The following BAZ2B variants were observed in gnomAD, a reference collection of about 807,000 sequenced individuals.
BAZ2B encodes bromodomain adjacent to zinc finger domain 2B.
BAZ2B carries 91 observed loss-of-function variants against 246.0 expected under a neutral mutation model. That is an observed-to-expected ratio of 0.37 (90% CI 0.31 to 0.44). BAZ2B has a LOEUF of 0.44. BAZ2B is among the 20% of genes least tolerant of loss of function. BAZ2B has a pLI of 1.00. For synonymous variants in BAZ2B, 855 were observed against 860.0 expected, an observed-to-expected ratio of 0.99 and a Z score of 0.10; for missense variants, 2,332 against 2,533.7, an observed-to-expected ratio of 0.92 and a Z score of 1.71.
chr2:159,536,621 T>C (rs998764024), intron 2 of BAZ2B, among the ~76,000 whole-genome samples: 18 of 152,042 alleles, frequency 1.2e-4, no homozygotes, highest in African/African-American at 4.3e-4. Context: ...AAGCATGAGG[T>C]GAACTAATAG....
At chr2:159,688,431 C>A in the BAZ2B span, among the ~76,000 whole-genome samples, 1 of 152,190 alleles carries the variant, frequency 6.6e-6, no homozygotes, top group Non-Finnish European at 1.5e-5. Context: ...TCTCTTTCTA[C>A]TCCCTTTATA....
intron 1 of BAZ2B, among the ~76,000 whole-genome samples, chr2:159,604,280 T>A (rs1167734517): frequency 6.6e-6 from 1 of 152,140 alleles, no homozygotes; most frequent in Non-Finnish European, 1.5e-5. Context: ...TTATATTTTA[T>A]TTTATTTTTA....
At chr2:159,473,582 T>C (rs2078115633) in intron 3 of BAZ2B, among the ~76,000 whole-genome samples, 1 of 152,204 alleles carries the variant, frequency 6.6e-6, no homozygotes, top group Non-Finnish European at 1.5e-5. Context: ...CTGATTTTAG[T>C]TATTTCTTGT....
intron 14 of BAZ2B, among the ~76,000 whole-genome samples, chr2:159,411,729 T>C (rs2066870996): frequency 6.6e-6 from 1 of 152,240 alleles, no homozygotes; most frequent in African/African-American, 2.4e-5. Context: ...ATTTTATGTA[T>C]AATGTCAAAT....
At chr2:159,576,912 C>CAAAAAAAAAAAA (rs34337483) in intron 1 of BAZ2B, among the ~76,000 whole-genome samples, 1 of 51,152 alleles carries the variant, frequency 2.0e-5, no homozygotes, top group African/African-American at 8.9e-5. Flanking sequence ...GACTGTGTCT[C>CAAAAAAAAAAAA]AAAAAAAAAA....
At chr2:159,332,443 T>C (rs1352110776) in intron 34 of BAZ2B, 97 bp downstream of exon 34, 4 of 1,241,586 alleles carry the variant, frequency 3.2e-6, no homozygotes, top group Admixed American at 2.5e-5. Flanking sequence ...GCTATGATCA[T>C]ACCACTGCAC....
chr2:159,463,541 C>T (rs2076666612), intron 3 of BAZ2B: 1 of 152,806 alleles, frequency 6.5e-6, no homozygotes, highest in African/African-American at 2.4e-5. Context: ...CTTGCCAATA[C>T]TTGTCTTTTG....
At chr2:159,683,816 A>C in the BAZ2B span, among the ~76,000 whole-genome samples, 7 of 152,196 alleles carry the variant, frequency 4.6e-5, no homozygotes, top group African/African-American at 1.7e-4. Context: ...CTTTGTGATT[A>C]AATTTAGAGC....
In BAZ2B at chr2:159,405,690, T is replaced by C. The variant is rs538337233; in HGVS notation, c.2678-576A>G. 6.6e-5 allele frequency among the ~76,000 whole-genome samples: 10 copies of C among 150,692 alleles called. No homozygotes were observed. In the East Asian group the frequency reaches 2.0e-3, roughly 30 times the overall value. On this transcript the variant is annotated intron_variant, in intron 14 of 36. Coordinates refer to ENST00000392783, the MANE Select transcript of BAZ2B (RefSeq NM_013450.4). ...GGACTACATAAAAATGAGGTTTCTT[T>C]TAATCTTTATCAGAGAGGCTTATTT...
chr2:159,441,433 T>C (rs1338246103), intron 6 of BAZ2B, among the ~76,000 whole-genome samples: 1 of 152,166 alleles, frequency 6.6e-6, no homozygotes, highest in African/African-American at 2.4e-5. Context: ...TTTGGCCATG[T>C]GTAAATAGTT....
intron 2 of BAZ2B, among the ~76,000 whole-genome samples, chr2:159,501,471 T>C (rs963158292): frequency 4.6e-5 from 7 of 150,684 alleles, no homozygotes; most frequent in African/African-American, 1.7e-4. Flanking sequence ...TTAAACACAG[T>C]GATATCATGA....
At chr2:159,515,992 C>A (rs982257295) in intron 2 of BAZ2B, among the ~76,000 whole-genome samples, 2 of 151,982 alleles carry the variant, frequency 1.3e-5, no homozygotes, top group African/African-American at 2.4e-5. Flanking sequence ...AGCTTAATAT[C>A]ATTTATCATT....
intron 1 of BAZ2B, among the ~76,000 whole-genome samples, chr2:159,580,374 C>A (rs548014750): frequency 4.6e-5 from 7 of 152,276 alleles, no homozygotes; most frequent in African/African-American, 1.4e-4. Context: ...TGAAGGACCT[C>A]TTCAAGGAGA....
chr2:159,656,361 T>C, the BAZ2B span, among the ~76,000 whole-genome samples: 1 of 152,108 alleles, frequency 6.6e-6, no homozygotes, highest in Non-Finnish European at 1.5e-5. Flanking sequence ...ACAGATTACA[T>C]TGGGGGTATG....
chr2:159,636,004 C>T, the BAZ2B span, among the ~76,000 whole-genome samples: 3 of 152,104 alleles, frequency 2.0e-5, no homozygotes, highest in Admixed American at 1.3e-4. Context: ...CAGCAGTGAA[C>T]CATGTTCATG....
chr2:159,472,940 A>G (rs927022420), intron 3 of BAZ2B, among the ~76,000 whole-genome samples: 6 of 152,176 alleles, frequency 3.9e-5, no homozygotes, highest in East Asian at 1.9e-4. Flanking sequence ...ATTGGCCTGT[A>G]ATTTTCTTTT....
At chr2:159,389,629 A>T (rs1253329746) in intron 20 of BAZ2B, 144 bp from the exon 21 acceptor site, 5 of 731,556 alleles carry the variant, frequency 6.8e-6, no homozygotes, top group Non-Finnish European at 1.0e-5. Flanking sequence ...GACTGTATAT[A>T]TTTAATATCA....
chr2:159,523,237 C>CA (rs1429732128), intron 2 of BAZ2B, among the ~76,000 whole-genome samples: 1 of 151,964 alleles, frequency 6.6e-6, no homozygotes, highest in African/African-American at 2.4e-5. Flanking sequence ...CTGGTCTCTA[C>CA]AAAAAATATT....
chr2:159,438,798 A>AAAGGC lies in BAZ2B; in HGVS notation c.901-104_901-103insGCCTT. 4.4e-6 allele frequency: 6 copies of AAAGGC among 1,348,438 alleles called. No individual in the cohort carries two copies. In the South Asian group the frequency reaches 7.2e-5, roughly 16 times the overall value. 83.5% of individuals were successfully genotyped at this position (1,348,438 alleles called of 1,614,324 possible). ...AAACGGGTACTTTCAAAGTGTTCTT[A>AAAGGC]ATGCCTTATGATAATATCTAAAAAT... is the stretch of plus-strand genomic sequence containing the variant. On this transcript the variant is annotated intron_variant, in intron 7 of 36. Transcript: ENST00000392783.
Sources: gnomAD v4.1 joint callset for allele counts (sites outside exome capture counted in the v4.1 genomes callset) on GRCh38, gnomAD v4.1.1 for gene constraint, MANE v1.5 for transcripts, NCBI Gene and HGNC (gene_info 2026-07-23, HGNC 2026-07-21) for gene names.